Variants in SNX14 observed in about 807,000 individuals in gnomAD.
SNX14 encodes sorting nexin 14, also known as sorting nexin-14.
SNX14 carries 93 observed loss-of-function variants against 133.8 expected under a neutral mutation model. The ratio of observed to expected loss-of-function variants is 0.70; its 90% CI spans 0.59 to 0.83. The LOEUF (loss-of-function observed/expected upper bound fraction) is 0.83. SNX14 is among the 40% of genes least tolerant of loss of function. The probability of loss-of-function intolerance (pLI) is 0.00; values close to 1 mark genes in which losing one functional copy is unlikely to be tolerated. For synonymous variants in SNX14, 368 were observed against 365.6 expected (o/e 1.01, Z -0.07); for missense variants, 945 against 1,094.9 (o/e 0.86, Z 1.93).
intron 7 of SNX14, among the ~76,000 whole-genome samples, chr6:85,554,543 A>G (rs1284466966): frequency 6.6e-6 from 1 of 152,156 alleles, no homozygotes; most frequent in Non-Finnish European, 1.5e-5. Context: ...AAAATTTGAA[A>G]ACTTTTTTTA....
intron 20 of SNX14, 51 bp from the exon 21 acceptor site, chr6:85,526,288 A>C (rs1214088365): frequency 1.3e-5 from 14 of 1,068,128 alleles, no homozygotes; most frequent in Non-Finnish European, 1.8e-5. Context: ...CTAGAGGAGT[A>C]GTCAAAACTG....
intron 1 of SNX14, among the ~76,000 whole-genome samples, chr6:85,592,876 TGGTGGCGG>T (rs1358444406): frequency 6.8e-6 from 1 of 146,328 alleles, no homozygotes; most frequent in Non-Finnish European, 1.5e-5. Context: ...CGTGGTGGCG[TGGTGGCGG>T]GCGCCTGTAG....
intron 26 of SNX14, among the ~76,000 whole-genome samples, chr6:85,509,307 T>C (rs1771919647): frequency 6.6e-6 from 1 of 152,066 alleles, no homozygotes; most frequent in African/African-American, 2.4e-5. Flanking sequence ...AAAGTATGAA[T>C]GCTAAGGGTC....
intron 15 of SNX14, among the ~76,000 whole-genome samples, chr6:85,541,728 G>A (rs557231063): frequency 2.6e-5 from 4 of 152,210 alleles, no homozygotes; most frequent in Admixed American, 2.6e-4. Context: ...AATAAAGCTG[G>A]TAATCAAAAC....
At chr6:85,550,449 T>C (rs909875758) in intron 7 of SNX14, among the ~76,000 whole-genome samples, 3 of 152,190 alleles carry the variant, frequency 2.0e-5, no homozygotes, top group Non-Finnish European at 4.4e-5. Flanking sequence ...TCCTGTATCT[T>C]CTTTCTCCTC....
intron 1 of SNX14, chr6:85,589,083 T>C (rs1159303514): frequency 3.3e-6 from 1 of 304,316 alleles, no homozygotes; most frequent in Non-Finnish European, 6.6e-6. Context: ...TTTTATATAG[T>C]ACTGATCTTT....
At chr6:85,588,951 C>CTGAGGAA in intron 1 of SNX14, 1 of 454,176 alleles carries the variant, frequency 2.2e-6, no homozygotes, top group Non-Finnish European at 4.4e-6. Context: ...GTCTTGCTGT[C>CTGAGGAA]TGAGGAATTG....
At chr6:85,533,889 T>C (rs1317301460) in intron 17 of SNX14, 89 bp from the exon 18 acceptor site, 4 of 961,358 alleles carry the variant, frequency 4.2e-6, no homozygotes, top group South Asian at 1.7e-5. Context: ...AATATGCCCA[T>C]ATCAATTGAT....
Position 85,574,456 on chromosome 6 carries a change from G to T in SNX14, c.141-78C>A, listed in dbSNP as rs183263581. On this transcript the variant is annotated intron_variant, in intron 1 of 28. Transcript: ENST00000314673. ...AGTTACCGCTTCACTGACTTAACAA[G>T]CATTCATTAAGCACCTACAATATCA... 1.9e-5 allele frequency: 20 copies of T among 1,056,250 alleles called. No individual in the cohort carries two copies. In the Admixed American group the frequency reaches 4.1e-4, roughly 22 times the overall value. The allele number at this position is 1,056,250 out of a possible 1,614,324, so 65.4% of individuals were successfully genotyped here.
In SNX14 at chr6:85,514,063, T is replaced by C. The variant is rs745675802; in HGVS notation, c.2557+7A>G. The C allele has an allele frequency of 1.3e-6, 2 of 1,599,032 alleles. No homozygotes were observed. Among genetic ancestry groups the C allele is most frequent in the Admixed American group, 3.6e-5 (2 of 56,148 alleles). On this transcript the variant is annotated splice_region_variant and intron_variant, in intron 25 of 28. Transcript: ENST00000314673. The stretch of plus-strand genomic sequence containing the variant: ...AATATGAAACAAACACATTAGAAAA[T>C]ACAAACCTCTGAGAAGTGTTATGAG...
chr6:85,579,671 G>A (rs564720089), intron 1 of SNX14, among the ~76,000 whole-genome samples: 14 of 152,308 alleles, frequency 9.2e-5, no homozygotes, highest in African/African-American at 1.4e-4. Flanking sequence ...GAACTTAGCC[G>A]ATGCCCAAAA....
chr6:85,579,761 C>T (rs1402053293), intron 1 of SNX14, among the ~76,000 whole-genome samples: 2 of 152,222 alleles, frequency 1.3e-5, no homozygotes, highest in African/African-American at 2.4e-5. Flanking sequence ...CAATCCTTGA[C>T]ACCACAGGTT....
chr6:85,546,493 T>C (rs1785526163), intron 12 of SNX14, among the ~76,000 whole-genome samples: 1 of 152,146 alleles, frequency 6.6e-6, no homozygotes, highest in Admixed American at 6.5e-5. Context: ...TTACAAAAAC[T>C]GTGAAAAAGT....
At chr6:85,570,566 G>A (rs1795208102) in intron 4 of SNX14, among the ~76,000 whole-genome samples, 1 of 152,050 alleles carries the variant, frequency 6.6e-6, no homozygotes, top group Admixed American at 6.6e-5. Context: ...TAAAAAATGA[G>A]ATACTTGTCC....
intron 6 of SNX14, among the ~76,000 whole-genome samples, chr6:85,563,720 T>C (rs1792659246): frequency 6.6e-6 from 1 of 152,072 alleles, no homozygotes; most frequent in African/African-American, 2.4e-5. Flanking sequence ...AAGTAGATCA[T>C]AATCATTGCC....
At position 85,547,096 on chromosome 6, in the gene SNX14, C is replaced by T. The variant is rs1785856201; in HGVS notation, c.1108+16G>A. 1 of 1,580,400 alleles carries T rather than the reference C, an allele frequency of 6.3e-7. No homozygotes were observed. Among genetic ancestry groups the T allele is most frequent in the African/African-American group, 1.4e-5 (1 of 72,926 alleles). On this transcript the variant is annotated intron_variant, in intron 12 of 28. Coordinates refer to ENST00000314673, the MANE Select transcript of SNX14 (RefSeq NM_153816.6). ...GTTTAAAAATTACTTTCGTAAAATA[C>T]ACAGGTAAGCCTCACCCACAGTCAA...
intron 1 of SNX14, among the ~76,000 whole-genome samples, chr6:85,592,674 G>T (rs1450613429): frequency 6.6e-6 from 1 of 152,006 alleles, no homozygotes; most frequent in Admixed American, 6.6e-5. Flanking sequence ...GGGGAGGGTG[G>T]CATCAAGTCC....
chr6:85,525,735 G>A (rs1009922100), intron 21 of SNX14, among the ~76,000 whole-genome samples: 9 of 152,096 alleles, frequency 5.9e-5, no homozygotes, highest in African/African-American at 1.7e-4. Context: ...CTTAAACTAA[G>A]TTAAATGTTA....
chr6:85,565,254 T>C (rs1218388586), intron 6 of SNX14, 78 bp downstream of exon 6: 1 of 840,126 alleles, frequency 1.2e-6, no homozygotes, highest in Non-Finnish European at 1.9e-6. Context: ...TGCCATGTAC[T>C]CACAAAAAAT....
Sources: allele counts gnomAD v4.1 joint callset (sites outside exome capture counted in the v4.1 genomes callset), GRCh38; gene constraint gnomAD v4.1.1; transcripts MANE v1.5; gene names NCBI Gene and HGNC (gene_info 2026-07-23, HGNC 2026-07-21).